The following OCA2 variants were observed in gnomAD, a reference collection of about 807,000 sequenced individuals.
OCA2 encodes the protein OCA2 melanosomal transmembrane protein, also known as P protein.
A neutral mutation model predicts 100.2 loss-of-function variants in OCA2; 77 were observed. The observed-to-expected ratio is 0.77, with a 90% confidence interval of 0.64 to 0.93. The LOEUF (loss-of-function observed/expected upper bound fraction) is 0.93. OCA2 is among the 40% of genes least tolerant of loss of function. OCA2 has a pLI of 0.00. For missense variants in OCA2, 1,062 were observed against 1,089.1 expected (o/e 0.98, Z 0.35); for synonymous variants, 432 against 439.2 (o/e 0.98, Z 0.21).
chr15:28,006,116 T>G (rs920451969), intron 9 of OCA2, among the ~76,000 whole-genome samples: 2 of 152,266 alleles, frequency 1.3e-5, no homozygotes, highest in Middle Eastern at 3.4e-3. Flanking sequence ...GGGTTGTCCA[T>G]TAACACACAG....
rs372611374 is a variant in OCA2 at position 28,022,639 on chromosome 15, T to C, written c.574-66A>G. ...GAGAGCAGTAAGGTATAAATCATTT[T>C]GATAACAGTCGAAAACAGATGTGAT... is the stretch of plus-strand genomic sequence containing the variant. On this transcript the variant is annotated intron_variant, in intron 5 of 23. Transcript: ENST00000354638. 1.3e-4 allele frequency: 168 copies of C among 1,252,468 alleles called. No homozygotes were observed. The African/African-American group carries it at 2.4e-3, about 18-fold the overall frequency. 77.6% of individuals were successfully genotyped at this position (1,252,468 alleles called of 1,614,324 possible).
chr15:28,005,550 A>G (rs1003076703), intron 9 of OCA2, among the ~76,000 whole-genome samples: 3 of 152,048 alleles, frequency 2.0e-5, no homozygotes, highest in African/African-American at 7.2e-5. Flanking sequence ...AATCCCATGA[A>G]CAGGACCCCT....
chr15:27,948,397 C>T (rs1233340868), intron 18 of OCA2, among the ~76,000 whole-genome samples: 1 of 152,144 alleles, frequency 6.6e-6, no homozygotes, highest in African/African-American at 2.4e-5. Context: ...GAATAAAACC[C>T]TAAGTTCACA....
chr15:27,854,190 G>A (rs928312651), intron 21 of OCA2, among the ~76,000 whole-genome samples: 6 of 152,332 alleles, frequency 3.9e-5, no homozygotes, highest in African/African-American at 1.4e-4. Flanking sequence ...ATGCCCCTCT[G>A]GAGGTTCAGG....
At chr15:28,003,771 G>C (rs942287002) in intron 9 of OCA2, among the ~76,000 whole-genome samples, 2 of 152,168 alleles carry the variant, frequency 1.3e-5, no homozygotes, top group African/African-American at 4.8e-5. Flanking sequence ...CGAGGGTGGC[G>C]GTCCCACCCC....
chr15:27,756,411 T>C (rs1566937488), intron 23 of OCA2, among the ~76,000 whole-genome samples: 1 of 152,236 alleles, frequency 6.6e-6, no homozygotes, highest in African/African-American at 2.4e-5. Flanking sequence ...CCCGAAATTA[T>C]AGAGTAGACT....
At chr15:27,800,667 C>T (rs942851951) in intron 23 of OCA2, among the ~76,000 whole-genome samples, 3 of 152,070 alleles carry the variant, frequency 2.0e-5, no homozygotes, top group Non-Finnish European at 4.4e-5. Flanking sequence ...AGCCCTGTTA[C>T]TATTTAAGAA....
chr15:27,785,298 G>A (rs773276184), intron 23 of OCA2, among the ~76,000 whole-genome samples: 76 of 151,980 alleles, frequency 5.0e-4, no homozygotes, highest in Non-Finnish European at 1.0e-3. Flanking sequence ...CTGAAAACAG[G>A]TACATAAACA....
chr15:28,014,878 G>T lies in OCA2; in HGVS notation c.942C>A (p.Val314=). ...IRASLQQTQA[V]PLLMAHQYLR... is the part of the protein sequence containing the mutation. ...GGTACTGATGAGCCATCAAAAGAGG[G>T]ACAGCCTGGGTCTGCTGCAGGGAGG... Residue 314 remains valine (V), a synonymous_variant, in exon 9 of 24, where the codon GTC becomes GTA. Transcript: ENST00000354638. The T allele has an allele frequency of 6.2e-7, 1 of 1,614,164 alleles. No individual in the cohort carries two copies. Among genetic ancestry groups the T allele is most frequent in the Non-Finnish European group, 8.5e-7 (1 of 1,180,022 alleles).
intron 2 of OCA2, among the ~76,000 whole-genome samples, chr15:28,055,209 T>C (rs901119342): frequency 3.3e-5 from 5 of 152,350 alleles, no homozygotes; most frequent in African/African-American, 1.2e-4. Context: ...GGGACTTTCC[T>C]GTTATTCCTG....
chr15:27,820,713 A>T (rs923960606), intron 23 of OCA2, among the ~76,000 whole-genome samples: 1 of 152,250 alleles, frequency 6.6e-6, no homozygotes, highest in Admixed American at 6.5e-5. Flanking sequence ...AAAAGCGGTC[A>T]ACACTTTATT....
At chr15:28,085,127 G>A (rs2044755625) in intron 1 of OCA2, among the ~76,000 whole-genome samples, 1 of 152,074 alleles carries the variant, frequency 6.6e-6, no homozygotes, top group African/African-American at 2.4e-5. Context: ...AACCTTCCTT[G>A]CTGCCTATGC....
chr15:27,806,803 C>G (rs1173902184), intron 23 of OCA2, among the ~76,000 whole-genome samples: 1 of 152,244 alleles, frequency 6.6e-6, no homozygotes, highest in Non-Finnish European at 1.5e-5. Flanking sequence ...GGACCGTGGC[C>G]ACCTTAATAA....
intron 23 of OCA2, among the ~76,000 whole-genome samples, chr15:27,818,342 T>A (rs957604681): frequency 1.3e-5 from 2 of 152,132 alleles, no homozygotes; most frequent in Non-Finnish European, 2.9e-5. Context: ...TGAGCCGGGA[T>A]CACACCACCG....
intron 21 of OCA2, among the ~76,000 whole-genome samples, chr15:27,855,324 C>A (rs2035910036): frequency 6.6e-6 from 1 of 152,240 alleles, no homozygotes; most frequent in Non-Finnish European, 1.5e-5. Flanking sequence ...GACTCCACAC[C>A]CTTCAATCTG....
At chr15:27,763,622 T>A (rs543703526) in intron 23 of OCA2, among the ~76,000 whole-genome samples, 29 of 152,306 alleles carry the variant, frequency 1.9e-4, no homozygotes, top group African/African-American at 6.7e-4. Flanking sequence ...GATGGAGATG[T>A]CCCTGGCTAT....
chr15:27,784,915 G>GAA (rs1490430698), intron 23 of OCA2, among the ~76,000 whole-genome samples: 1 of 140,966 alleles, frequency 7.1e-6, no homozygotes. Context: ...GAGAGAGAGA[G>GAA]AAATGGGCAG....
intron 23 of OCA2, among the ~76,000 whole-genome samples, chr15:27,777,214 C>T (rs16950413): frequency 0.12 from 17,859 of 152,116 alleles, 1,906 homozygotes; most frequent in African/African-American, 0.28. Context: ...TGCTGGACTA[C>T]GCTCTGGGCT....
intron 19 of OCA2, among the ~76,000 whole-genome samples, chr15:27,924,396 CTTTT>C: frequency 6.6e-6 from 1 of 151,722 alleles, no homozygotes; most frequent in South Asian, 2.1e-4. Context: ...AATTGTATGT[CTTTT>C]TTTTATCATT....
Sources: allele counts gnomAD v4.1 joint callset (sites outside exome capture counted in the v4.1 genomes callset), GRCh38; gene constraint gnomAD v4.1.1; transcripts MANE v1.5; gene names NCBI Gene and HGNC (gene_info 2026-07-23, HGNC 2026-07-21).